PROM1: variants seen among roughly 807,000 people sequenced by gnomAD.
PROM1 encodes prominin 1.
Under a neutral mutation model 116.9 loss-of-function variants are expected in PROM1, and 105 were observed. The observed-to-expected ratio is 0.90, with a 90% CI of 0.77 to 1.06. PROM1 has a LOEUF of 1.06. Ranked by LOEUF, PROM1 falls within the 50% of genes least tolerant of loss-of-function variation. PROM1 has a pLI of 0.00. For missense variants in PROM1, 1,122 were observed against 1,045.2 expected (o/e 1.07, Z -1.01); for synonymous variants, 393 against 387.0 (o/e 1.02, Z -0.18).
intron 5 of PROM1, among the ~76,000 whole-genome samples, chr4:16,030,093 T>C (rs1182487594): frequency 6.6e-6 from 1 of 152,208 alleles, no homozygotes; most frequent in Non-Finnish European, 1.5e-5. Flanking sequence ...CTGCCTAGCT[T>C]GGATTACTTG....
chr4:16,003,292 C>T (rs1042561532), intron 13 of PROM1: 2 of 456,710 alleles, frequency 4.4e-6, no homozygotes, highest in Non-Finnish European at 8.8e-6. Flanking sequence ...ATAACTAATA[C>T]TGCAAAACAC....
At chr4:16,011,779 A>G (rs1352200629) in intron 11 of PROM1, among the ~76,000 whole-genome samples, 1 of 152,244 alleles carries the variant, frequency 6.6e-6, no homozygotes, top group African/African-American at 2.4e-5. Context: ...AAGGAAACCC[A>G]CAAAACATCT....
chr4:16,025,760 AAAG>A (rs1471099136), intron 5 of PROM1, among the ~76,000 whole-genome samples: 1 of 152,076 alleles, frequency 6.6e-6, no homozygotes, highest in East Asian at 1.9e-4. Flanking sequence ...CTGACCCCCC[AAAG>A]AAGGCTATAG....
chr4:16,047,202 G>C (rs1419341308), intron 2 of PROM1, among the ~76,000 whole-genome samples: 1 of 151,992 alleles, frequency 6.6e-6, no homozygotes, highest in Non-Finnish European at 1.5e-5. Flanking sequence ...TTTATCAAGG[G>C]TACTGCCTTT....
intron 2 of PROM1, among the ~76,000 whole-genome samples, chr4:16,061,273 C>T (rs1740253700): frequency 6.6e-6 from 1 of 152,176 alleles, no homozygotes; most frequent in South Asian, 2.1e-4. Flanking sequence ...GCATTATCAG[C>T]TGACTACAGA....
At chr4:16,044,314 G>A (rs1406859341) in intron 2 of PROM1, among the ~76,000 whole-genome samples, 3 of 152,198 alleles carry the variant, frequency 2.0e-5, no homozygotes, top group Non-Finnish European at 4.4e-5. Context: ...AATGAATAGA[G>A]AACTTAAAAT....
At chr4:16,035,348 T>C (rs933248063) in intron 4 of PROM1, among the ~76,000 whole-genome samples, 2 of 152,222 alleles carry the variant, frequency 1.3e-5, no homozygotes, top group Admixed American at 1.3e-4. Context: ...AGAGAAGATA[T>C]ATTGAAATGT....
intron 2 of PROM1, among the ~76,000 whole-genome samples, chr4:16,048,635 C>T (rs182924466): frequency 1.3e-5 from 2 of 152,146 alleles, no homozygotes; most frequent in East Asian, 3.9e-4. Context: ...TATATCAGTT[C>T]CTCTCCTTTA....
At chr4:15,993,810 C>T (rs1220610667) in intron 16 of PROM1, among the ~76,000 whole-genome samples, 177 bp downstream of exon 16, 1 of 152,172 alleles carries the variant, frequency 6.6e-6, no homozygotes, top group Admixed American at 6.5e-5. Flanking sequence ...AGTGAGAAAA[C>T]GTTTTGGAAC....
At chr4:16,070,579 A>C (rs892249404) in intron 2 of PROM1, among the ~76,000 whole-genome samples, 3 of 152,240 alleles carry the variant, frequency 2.0e-5, no homozygotes. Flanking sequence ...TTTGTTTAAC[A>C]AAAGAATCAA....
intron 5 of PROM1, among the ~76,000 whole-genome samples, chr4:16,025,719 GCA>G (rs139033375): frequency 0.37 from 55,656 of 150,074 alleles, 11,569 homozygotes; most frequent in African/African-American, 0.56. Context: ...ACACACACAC[GCA>G]CACACACACA....
At chr4:15,994,579 A>G (rs952244555) in intron 15 of PROM1, among the ~76,000 whole-genome samples, 3 of 152,022 alleles carry the variant, frequency 2.0e-5, no homozygotes, top group Non-Finnish European at 4.4e-5. Flanking sequence ...AGACGCAGAC[A>G]TCTCGATGGT....
chr4:16,034,584 T>G (rs1301600605), intron 4 of PROM1, among the ~76,000 whole-genome samples: 1 of 152,206 alleles, frequency 6.6e-6, no homozygotes, highest in Non-Finnish European at 1.5e-5. Context: ...GCTGACTTTA[T>G]TCCGGGATAA....
At chr4:15,973,533 A>G (rs1227842738) in intron 26 of PROM1, among the ~76,000 whole-genome samples, 2 of 152,200 alleles carry the variant, frequency 1.3e-5, no homozygotes, top group African/African-American at 2.4e-5. Context: ...GTTCACAGAC[A>G]TATTTTGTTG....
At chr4:16,030,064 C>A (rs191822649) in intron 5 of PROM1, among the ~76,000 whole-genome samples, 5 of 152,244 alleles carry the variant, frequency 3.3e-5, no homozygotes, top group Admixed American at 2.0e-4. Context: ...TCTTAACTTT[C>A]CCCAGGTCTT....
chr4:16,024,243 G>A, intron 7 of PROM1, 52 bp downstream of exon 7: 1 of 1,474,338 alleles, frequency 6.8e-7, no homozygotes, highest in Non-Finnish European at 9.4e-7. Flanking sequence ...TTTTATGGGA[G>A]ATGAGTCAAA....
At chr4:15,995,094 C>G (rs1721978529) in intron 15 of PROM1, among the ~76,000 whole-genome samples, 1 of 152,202 alleles carries the variant, frequency 6.6e-6, no homozygotes, top group Non-Finnish European at 1.5e-5. Flanking sequence ...CAGAAGGAGC[C>G]TGAGGCTCCC....
intron 5 of PROM1, among the ~76,000 whole-genome samples, chr4:16,032,797 G>A (rs766215063): frequency 3.3e-5 from 5 of 152,140 alleles, no homozygotes; most frequent in Non-Finnish European, 4.4e-5. Flanking sequence ...GGAGGGTAGC[G>A]GATTAACAGC....
rs1480197759 is a variant in PROM1, at chr4:16,076,066, G to A, written c.-160C>T. On this transcript the variant is annotated 5_prime_UTR_variant, in exon 2 of 28. Coordinates refer to ENST00000447510, the MANE Select transcript of PROM1 (RefSeq NM_006017.3). ...TTTCTGTCTGAGGCTGGCTTGAGGC[G>A]AGGGATGCGGAAGAATGTTCTCCAA... 4.2e-5 allele frequency: 58 copies of A among 1,382,254 alleles called. 1 individual carries two copies. In the East Asian group the frequency reaches 9.3e-4, roughly 22 times the overall value. The allele number at this position is 1,382,254 out of a possible 1,614,324, so 85.6% of individuals were successfully genotyped here.
Sources: allele counts gnomAD v4.1 joint callset (sites outside exome capture counted in the v4.1 genomes callset), GRCh38; gene constraint gnomAD v4.1.1; transcripts MANE v1.5; gene names NCBI Gene and HGNC (gene_info 2026-07-23, HGNC 2026-07-21).